The following MECOM variants were observed in gnomAD, a reference collection of about 807,000 sequenced individuals.
The protein encoded by MECOM is MDS1 and EVI1 complex locus, also known as histone-lysine N-methyltransferase MECOM.
In MECOM, 13 loss-of-function variants were observed where a neutral mutation model predicts 116.3. The observed-to-expected ratio is 0.11, with a 90% confidence interval of 0.07 to 0.18. The LOEUF is 0.18. Ranked by LOEUF, MECOM falls within the 10% of genes least tolerant of loss-of-function variation. The probability of loss-of-function intolerance (pLI) is 1.00; values close to 1 mark genes in which losing one functional copy is unlikely to be tolerated. For missense variants in MECOM, 1,299 were observed against 1,509.0 expected (o/e 0.86, Z 2.31); for synonymous variants, 528 against 535.2 (o/e 0.99, Z 0.19).
chr3:169,567,006 C>G (rs902108183), intron 1 of MECOM, among the ~76,000 whole-genome samples: 1 of 152,246 alleles, frequency 6.6e-6, no homozygotes, highest in African/African-American at 2.4e-5. Flanking sequence ...ATACTCAACA[C>G]AGGTCAGATG....
chr3:169,272,211 T>C (rs1051089397), intron 2 of MECOM, among the ~76,000 whole-genome samples: 10 of 152,332 alleles, frequency 6.6e-5, no homozygotes, highest in African/African-American at 2.4e-4. Context: ...GAGTCTCTCC[T>C]GAGACTCATG....
intron 1 of MECOM, among the ~76,000 whole-genome samples, chr3:169,588,004 A>G (rs1765975438): frequency 6.6e-6 from 1 of 152,218 alleles, no homozygotes; most frequent in South Asian, 2.1e-4. Flanking sequence ...TTTAATTACC[A>G]TAATAATTAA....
chr3:169,219,295 A>G (rs1244828717), intron 2 of MECOM, among the ~76,000 whole-genome samples: 1 of 152,112 alleles, frequency 6.6e-6, no homozygotes, highest in African/African-American at 2.4e-5. Flanking sequence ...TCACGAGGTC[A>G]GGAGATCCAG....
At chr3:169,341,408 G>C (rs1724486155) in intron 2 of MECOM, among the ~76,000 whole-genome samples, 1 of 148,034 alleles carries the variant, frequency 6.8e-6, no homozygotes, top group South Asian at 2.2e-4. Flanking sequence ...GTTGGCGGGG[G>C]AGGTGGAGAG....
At chr3:169,203,241 C>A (rs1044429175) in intron 2 of MECOM, among the ~76,000 whole-genome samples, 3 of 152,202 alleles carry the variant, frequency 2.0e-5, no homozygotes, top group Admixed American at 6.5e-5. Flanking sequence ...GTGCATTTTG[C>A]CAATTGATCA....
chr3:169,397,811 G>T (rs1372889264), intron 1 of MECOM, among the ~76,000 whole-genome samples: 1 of 152,170 alleles, frequency 6.6e-6, no homozygotes, highest in South Asian at 2.1e-4. Context: ...GGGTAAAAAG[G>T]TTGAATTGTC....
intron 1 of MECOM, among the ~76,000 whole-genome samples, chr3:169,485,951 A>AG (rs1752200717): frequency 2.0e-5 from 2 of 101,424 alleles, no homozygotes; most frequent in African/African-American, 8.3e-5. Flanking sequence ...GTATGTATAT[A>AG]TGTACATATA....
At chr3:169,477,577 G>A (rs1443192752) in intron 1 of MECOM, among the ~76,000 whole-genome samples, 1 of 152,170 alleles carries the variant, frequency 6.6e-6, no homozygotes, top group Non-Finnish European at 1.5e-5. Context: ...TAAACTAGAG[G>A]CTCTGCGTCC....
At chr3:169,189,790 A>G (rs1179966881) in intron 2 of MECOM, among the ~76,000 whole-genome samples, 2 of 152,116 alleles carry the variant, frequency 1.3e-5, no homozygotes, top group African/African-American at 4.8e-5. Flanking sequence ...TCACTCCGAC[A>G]GGAATCTTCT....
At position 169,343,409 on chromosome 3, in the gene MECOM, G is replaced by A. The variant is rs114255014; in HGVS notation, c.375+37778C>T. On this transcript the variant is annotated intron_variant, in intron 2 of 16. Transcript: ENST00000651503. ...AGCTGCTTGAAAAGTGCAGTGAGTG[G>A]CTCCAGCATCTTAGGGTCCAAGGAA... 9.0e-3 allele frequency among the ~76,000 whole-genome samples: 1,376 copies of A among 152,170 alleles called. 23 individuals are homozygous for A. The highest frequency in any genetic ancestry group is 0.032 in the African/African-American group (1,324 of 41,510).
At chr3:169,383,417 T>G (rs1279589721) in intron 1 of MECOM, among the ~76,000 whole-genome samples, 2 of 152,178 alleles carry the variant, frequency 1.3e-5, no homozygotes, top group Admixed American at 1.3e-4. Flanking sequence ...CTTTCTACTA[T>G]GAATACCATC....
At position 169,450,679 on chromosome 3, in the gene MECOM, G is replaced by T. The variant is rs117917679; in HGVS notation, c.38-69155C>A. On this transcript the variant is annotated intron_variant, in intron 1 of 16. Coordinates refer to ENST00000651503, the MANE Select transcript of MECOM (RefSeq NM_004991.4). ...GGGAGCCTTCATTCTTTACCTCAGA[G>T]AGAGAGCGTGAAAACACACAGATCC... 2.0e-3 allele frequency among the ~76,000 whole-genome samples: 304 copies of T among 152,248 alleles called. 5 individuals are homozygous for T. The East Asian group carries it at 0.048, about 24-fold the overall frequency.
intron 2 of MECOM, among the ~76,000 whole-genome samples, chr3:169,225,635 T>C (rs1752636442): frequency 6.6e-6 from 1 of 152,170 alleles, no homozygotes; most frequent in Admixed American, 6.5e-5. Context: ...GTTTTTACAC[T>C]GTCTTGCTCT....
At chr3:169,172,771 T>C (rs1402027672) in intron 2 of MECOM, among the ~76,000 whole-genome samples, 1 of 152,172 alleles carries the variant, frequency 6.6e-6, no homozygotes, top group Non-Finnish European at 1.5e-5. Flanking sequence ...GACATAATAC[T>C]GTGCTGTGCA....
chr3:169,233,593 T>A (rs1236061374), intron 2 of MECOM, among the ~76,000 whole-genome samples: 1 of 152,104 alleles, frequency 6.6e-6, no homozygotes, highest in East Asian at 1.9e-4. Context: ...GATAAGCAGT[T>A]CCATACACAC....
At chr3:169,125,485 A>G (rs924350088) in intron 5 of MECOM, among the ~76,000 whole-genome samples, 1 of 152,114 alleles carries the variant, frequency 6.6e-6, no homozygotes, top group South Asian at 2.1e-4. Context: ...AATTCCAAGG[A>G]TATGGTTTAA....
chr3:169,413,108 G>A (rs1374794548), intron 1 of MECOM, among the ~76,000 whole-genome samples: 1 of 152,242 alleles, frequency 6.6e-6, no homozygotes, highest in African/African-American at 2.4e-5. Flanking sequence ...CTCCCAGTGA[G>A]ACCAATGCAG....
chr3:169,456,901 T>A (rs1198326307), intron 1 of MECOM, among the ~76,000 whole-genome samples: 1 of 152,180 alleles, frequency 6.6e-6, no homozygotes, highest in South Asian at 2.1e-4. Context: ...GCTTTTCTAA[T>A]GTGAAAACCA....
intron 2 of MECOM, among the ~76,000 whole-genome samples, chr3:169,196,594 A>T (rs1748436082): frequency 6.6e-6 from 1 of 152,094 alleles, no homozygotes; most frequent in Non-Finnish European, 1.5e-5. Flanking sequence ...AAACAAGAAA[A>T]AATGAGTAGC....
Sources: allele counts gnomAD v4.1 joint callset (sites outside exome capture counted in the v4.1 genomes callset), GRCh38; gene constraint gnomAD v4.1.1; transcripts MANE v1.5; gene names NCBI Gene and HGNC (gene_info 2026-07-23, HGNC 2026-07-21).